Variants in SETBP1 observed in about 807,000 individuals in gnomAD.
The protein encoded by SETBP1 is SET-binding protein.
A neutral mutation model predicts 101.0 loss-of-function variants in SETBP1; 9 were observed. The ratio of observed to expected loss-of-function variants is 0.09; its 90% confidence interval spans 0.05 to 0.16. The LOEUF is 0.16. SETBP1 is among the 10% of genes least tolerant of loss of function. The pLI is 1.00. For synonymous variants in SETBP1, 818 were observed against 788.5 expected (o/e 1.04, Z -0.63); for missense variants, 1,858 against 2,033.8 (o/e 0.91, Z 1.66).
chr18:44,972,804 C>T (rs755172250), intron 4 of SETBP1, among the ~76,000 whole-genome samples: 3 of 152,180 alleles, frequency 2.0e-5, no homozygotes, highest in Non-Finnish European at 4.4e-5. Flanking sequence ...TCTACATATA[C>T]AAACATGTCA....
intron 2 of SETBP1, among the ~76,000 whole-genome samples, chr18:44,842,941 G>A (rs1245250075): frequency 3.3e-5 from 5 of 152,252 alleles, no homozygotes; most frequent in African/African-American, 9.6e-5. Flanking sequence ...AGCTGGCAGA[G>A]CCATGGGGGG....
intron 2 of SETBP1, among the ~76,000 whole-genome samples, chr18:44,703,331 A>AT (rs1367127491): frequency 1.1e-5 from 1 of 87,340 alleles, no homozygotes; most frequent in Non-Finnish European, 2.4e-5. Flanking sequence ...ATTCCATAGC[A>AT]TTTCTGTTAC....
chr18:44,701,484 G>A lies in SETBP1; in HGVS notation c.138G>A (p.Lys46=), dbSNP rs1486865751. 1.2e-6 allele frequency: 2 copies of A among 1,613,922 alleles called. No individual in the cohort carries two copies. The highest frequency in any genetic ancestry group is 8.5e-7 in the Non-Finnish European group (1 of 1,179,824). The change falls in exon 2 of 6, where the codon AAG becomes AAA. Residue 46 remains lysine (K), a synonymous_variant. Coordinates refer to ENST00000649279, the MANE Select transcript of SETBP1 (RefSeq NM_015559.3). ...TGCTCTCCACTCCAGGACCTGGGAA[G>A]GGGATCCCGGTGGGCGGAGAGCGCA... ...EPLLSTPGPG[K]GIPVGGERME...
intron 4 of SETBP1, among the ~76,000 whole-genome samples, chr18:45,017,208 G>A (rs1341831567): frequency 6.6e-6 from 1 of 152,144 alleles, no homozygotes; most frequent in Non-Finnish European, 1.5e-5. Flanking sequence ...CAGGAAGAGG[G>A]ACCCAGGCCC....
At chr18:45,030,407 G>T (rs1183218833) in intron 4 of SETBP1, among the ~76,000 whole-genome samples, 28 of 129,764 alleles carry the variant, frequency 2.2e-4, no homozygotes, top group Non-Finnish European at 3.9e-4. Context: ...GCTGGATTCG[G>T]TTTGCCAGTA....
In SETBP1 at chr18:45,063,464, G is replaced by A. The variant is rs2073920725; in HGVS notation, c.4557G>A (p.Ala1519=). 2.0e-6 allele frequency: 3 copies of A among 1,467,496 alleles called. No homozygotes were observed. Among genetic ancestry groups the A allele is most frequent in the South Asian group, 1.4e-5 (1 of 69,662 alleles). 90.9% of individuals were successfully genotyped at this position (1,467,496 alleles called of 1,614,324 possible). A position where few individuals can be genotyped will look rare whatever the true frequency, so the allele number is the denominator to read the frequency against. Residue 1519 remains alanine, a synonymous_variant, in exon 6 of 6, where the codon GCG becomes GCA. Transcript: ENST00000649279. The stretch of plus-strand genomic sequence containing the variant: ...CGGTCATCCACATGGCCCGGGAGGC[G>A]CCGCCCCTGCCCCCGCCACCGCCGC... ...IEAVIHMARE[A]PPLPPPPPPP...
At chr18:44,924,137 C>T (rs1182120577) in intron 3 of SETBP1, among the ~76,000 whole-genome samples, 6 of 152,176 alleles carry the variant, frequency 3.9e-5, no homozygotes. Flanking sequence ...ATGTGGGACC[C>T]TTGAGACTGT....
At chr18:44,850,180 A>G (rs2072819218) in intron 2 of SETBP1, among the ~76,000 whole-genome samples, 1 of 152,182 alleles carries the variant, frequency 6.6e-6, no homozygotes, top group East Asian at 1.9e-4. Context: ...ATGACATACC[A>G]TGGAATTTGC....
intron 2 of SETBP1, among the ~76,000 whole-genome samples, chr18:44,808,918 G>T (rs567868021): frequency 6.6e-6 from 1 of 152,124 alleles, no homozygotes; most frequent in South Asian, 2.1e-4. Flanking sequence ...CAAATCTCAC[G>T]CAAAGCAGGA....
chr18:44,685,116 A>G (rs2068815463), intron 1 of SETBP1, among the ~76,000 whole-genome samples: 1 of 152,152 alleles, frequency 6.6e-6, no homozygotes, highest in African/African-American at 2.4e-5. Context: ...GTTAATGATC[A>G]GCAGACCCAG....
chr18:45,032,600 C>T (rs7241976), intron 4 of SETBP1, among the ~76,000 whole-genome samples: 3 of 152,002 alleles, frequency 2.0e-5, no homozygotes, highest in East Asian at 1.9e-4. Flanking sequence ...CCTCTGATTA[C>T]GCAGGTTGTT....
At chr18:44,709,122 T>C (rs573743398) in intron 2 of SETBP1, among the ~76,000 whole-genome samples, 1 of 152,200 alleles carries the variant, frequency 6.6e-6, no homozygotes, top group Non-Finnish European at 1.5e-5. Flanking sequence ...GTGTTTGGGA[T>C]TCTCTGGGGG....
At chr18:44,727,495 T>G (rs1245427110) in intron 2 of SETBP1, among the ~76,000 whole-genome samples, 1 of 152,174 alleles carries the variant, frequency 6.6e-6, no homozygotes, top group African/African-American at 2.4e-5. Context: ...TGTGGGGGGA[T>G]GGACAGTAGG....
At chr18:44,991,509 G>A (rs1419374216) in intron 4 of SETBP1, among the ~76,000 whole-genome samples, 1 of 151,990 alleles carries the variant, frequency 6.6e-6, no homozygotes, top group African/African-American at 2.4e-5. Context: ...AGTCTTTAAT[G>A]TCTTTTTCCT....
In SETBP1 at chr18:45,057,428, C is replaced by T. The variant is rs541498843; in HGVS notation, c.4172-5651C>T. Among the ~76,000 whole-genome samples, 10 of 152,142 alleles carry T rather than the reference C, an allele frequency of 6.6e-5. No homozygotes were observed. In the South Asian group the frequency reaches 1.2e-3, roughly 19 times the overall value. ...TTAGAGAACATGAGACAACTGAATG[C>T]CATTGAGCTTGTATTTGCTGATCAC... is the stretch of plus-strand genomic sequence containing the variant. On this transcript the variant is annotated intron_variant, in intron 5 of 5. Transcript: ENST00000649279.
At chr18:44,975,677 C>T (rs1416161169) in intron 4 of SETBP1, among the ~76,000 whole-genome samples, 1 of 152,130 alleles carries the variant, frequency 6.6e-6, no homozygotes, top group Non-Finnish European at 1.5e-5. Context: ...CATAACTTCG[C>T]ATAGCTTTCA....
At chr18:44,729,723 G>T (rs2069792660) in intron 2 of SETBP1, among the ~76,000 whole-genome samples, 1 of 152,184 alleles carries the variant, frequency 6.6e-6, no homozygotes, top group African/African-American at 2.4e-5. Flanking sequence ...AATTTGCCTG[G>T]GATAGCTTGT....
At chr18:44,695,056 A>G (rs565315854) in intron 1 of SETBP1, among the ~76,000 whole-genome samples, 65 of 152,340 alleles carry the variant, frequency 4.3e-4, no homozygotes, top group African/African-American at 1.5e-3. Context: ...AGTGAAGTCA[A>G]TAAAGGCAAA....
chr18:44,704,133 A>G lies in SETBP1; in HGVS notation c.486+2301A>G, dbSNP rs575260501. On this transcript the variant is annotated intron_variant, in intron 2 of 5. Transcript: ENST00000649279. ...CTAAAGCCACTGATTGTTCCCAAAT[A>G]TAGCTTTCTCCCCATTGGAACACAC... Among the ~76,000 whole-genome samples, 10 of 152,298 alleles carry G rather than the reference A, an allele frequency of 6.6e-5. No individual in the cohort carries two copies. The East Asian group carries it at 1.9e-3, about 29-fold the overall frequency.
Sources: gnomAD v4.1 joint callset for allele counts (sites outside exome capture counted in the v4.1 genomes callset) on GRCh38, gnomAD v4.1.1 for gene constraint, MANE v1.5 for transcripts, NCBI Gene and HGNC (gene_info 2026-07-23, HGNC 2026-07-21) for gene names.